The following ACVR1 variants were observed in gnomAD, a reference collection of about 807,000 sequenced individuals.
The protein encoded by ACVR1 is activin receptor type-1.
Under a neutral mutation model 57.1 loss-of-function variants are expected in ACVR1, and 38 were observed. That is an observed-to-expected ratio of 0.67 (90% CI 0.51 to 0.87). The LOEUF (loss-of-function observed/expected upper bound fraction) is 0.87. Among genes scored for constraint, ACVR1 ranks in the 40% least tolerant of loss-of-function variants. ACVR1 has a pLI of 0.00. For missense variants in ACVR1, 463 were observed against 638.2 expected (o/e 0.73, Z 2.96); for synonymous variants, 212 against 228.1 (o/e 0.93, Z 0.63).
intron 2 of ACVR1, among the ~76,000 whole-genome samples, chr2:157,816,234 G>A (rs923207170): frequency 1.4e-4 from 21 of 152,170 alleles, no homozygotes; most frequent in Non-Finnish European, 2.8e-4. Context: ...AAAGGTGAAA[G>A]AGAGAAGGGA....
At chr2:157,839,316 G>T (rs1055332338) in intron 1 of ACVR1, among the ~76,000 whole-genome samples, 1 of 152,150 alleles carries the variant, frequency 6.6e-6, no homozygotes, top group African/African-American at 2.4e-5. Context: ...CCAAATTGCT[G>T]CATGCTAAGC....
chr2:157,742,606 T>C (rs1248961364), intron 9 of ACVR1, among the ~76,000 whole-genome samples: 1 of 152,110 alleles, frequency 6.6e-6, no homozygotes, highest in African/African-American at 2.4e-5. Flanking sequence ...TCAACCAATA[T>C]CCCTCCCATT....
intron 2 of ACVR1, among the ~76,000 whole-genome samples, chr2:157,813,563 C>T (rs772500973): frequency 6.6e-6 from 1 of 152,190 alleles, no homozygotes; most frequent in Non-Finnish European, 1.5e-5. Context: ...CCTGGACTTT[C>T]TTCTTTGCCC....
chr2:157,827,286 A>G (rs1280014298), intron 1 of ACVR1, among the ~76,000 whole-genome samples: 1 of 152,220 alleles, frequency 6.6e-6, no homozygotes, highest in Non-Finnish European at 1.5e-5. Flanking sequence ...TTCTAAAGCT[A>G]GTCTAGAAAC....
rs906507999 is a variant in ACVR1 at position 157,818,959 on chromosome 2, T to A, written c.-182-400A>T. ...CGGGCGTAGTGGCGGGCGCCTGTAG[T>A]CCCAGCTACTTGGGAGGCTGAGGCA... On this transcript the variant is annotated intron_variant, in intron 1 of 10. Coordinates refer to ENST00000434821, the MANE Select transcript of ACVR1 (RefSeq NM_001111067.4). Among the ~76,000 whole-genome samples the A allele has an allele frequency of 3.0e-4, 44 of 148,852 alleles. 2 individuals carry two copies. The highest frequency in any genetic ancestry group is 1.7e-3 in the Admixed American group (26 of 14,890).
At chr2:157,783,305 T>C (rs1269117580) in intron 3 of ACVR1, among the ~76,000 whole-genome samples, 2 of 152,334 alleles carry the variant, frequency 1.3e-5, no homozygotes, top group East Asian at 1.9e-4. Context: ...TTTTCCAAGG[T>C]CTCTAGTTTT....
chr2:157,784,625 G>C (rs1051511134), intron 3 of ACVR1, among the ~76,000 whole-genome samples: 1 of 152,236 alleles, frequency 6.6e-6, no homozygotes, highest in East Asian at 1.9e-4. Flanking sequence ...GAAAACACTC[G>C]CAGCCTGGGC....
intron 1 of ACVR1, among the ~76,000 whole-genome samples, chr2:157,861,893 G>A (rs1031097901): frequency 6.6e-6 from 1 of 152,124 alleles, no homozygotes; most frequent in African/African-American, 2.4e-5. Flanking sequence ...GCAACTCTTA[G>A]ATCATAATTT....
At chr2:157,758,099 T>A (rs1685505024) in intron 9 of ACVR1, among the ~76,000 whole-genome samples, 1 of 151,934 alleles carries the variant, frequency 6.6e-6, no homozygotes, top group Non-Finnish European at 1.5e-5. Flanking sequence ...ACCTCACTTG[T>A]AAAGGCACAT....
chr2:157,842,781 G>A (rs746322561), intron 1 of ACVR1, among the ~76,000 whole-genome samples: 3 of 152,246 alleles, frequency 2.0e-5, no homozygotes, highest in African/African-American at 4.8e-5. Context: ...GCTACACAGA[G>A]GAATTTAAGG....
rs560166210 is a variant in ACVR1, at chr2:157,859,603, G to A, written c.-183+16193C>T. Among the ~76,000 whole-genome samples, 9 of 152,178 alleles carry A rather than the reference G, an allele frequency of 5.9e-5. No homozygotes were observed. The East Asian group carries it at 1.7e-3, about 29-fold the overall frequency. On this transcript the variant is annotated intron_variant, in intron 1 of 10. Transcript: ENST00000434821. The stretch of plus-strand genomic sequence containing the variant: ...ATCATCATCTACCCCCAGATTGCCT[G>A]CAGTTATCAGATTCTCCTTTTCCTA...
At chr2:157,836,463 T>C (rs2105350037) in intron 1 of ACVR1, among the ~76,000 whole-genome samples, 1 of 152,146 alleles carries the variant, frequency 6.6e-6, no homozygotes, top group East Asian at 1.9e-4. Flanking sequence ...TTATTGCTCC[T>C]CCCTACACAT....
At chr2:157,750,847 A>G (rs894763944) in intron 9 of ACVR1, among the ~76,000 whole-genome samples, 1 of 152,150 alleles carries the variant, frequency 6.6e-6, no homozygotes, top group African/African-American at 2.4e-5. Flanking sequence ...ACACAAATAA[A>G]TTGGAAAAAC....
At chr2:157,817,950 C>A (rs943828011) in intron 2 of ACVR1, among the ~76,000 whole-genome samples, 1 of 148,650 alleles carries the variant, frequency 6.7e-6, no homozygotes, top group African/African-American at 2.5e-5. Flanking sequence ...TGCAGTGAAC[C>A]GAGATCACAC....
At chr2:157,841,364 G>C (rs954785951) in intron 1 of ACVR1, among the ~76,000 whole-genome samples, 4 of 152,118 alleles carry the variant, frequency 2.6e-5, no homozygotes, top group Admixed American at 1.3e-4. Context: ...AAGTTATAAG[G>C]GGATAGGATG....
chr2:157,855,344 AC>A (rs1489920446), intron 1 of ACVR1, among the ~76,000 whole-genome samples: 52 of 143,884 alleles, frequency 3.6e-4, no homozygotes, highest in Non-Finnish European at 6.1e-4. Context: ...ACACACACAC[AC>A]AAAAATTAGC....
intron 1 of ACVR1, among the ~76,000 whole-genome samples, chr2:157,866,444 C>CGG (rs568810076): frequency 0.034 from 5,110 of 151,698 alleles, 115 homozygotes; most frequent in East Asian, 0.082. Flanking sequence ...CCAAGGGAGG[C>CGG]GGGGGGGAAA....
In ACVR1 at chr2:157,770,534, G is replaced by A. The variant is rs1316876346; in HGVS notation, c.644-20C>T. The A allele has an allele frequency of 1.2e-6, 2 of 1,613,840 alleles. No homozygotes were observed. The highest frequency in any genetic ancestry group is 1.7e-6 in the Non-Finnish European group (2 of 1,179,852). ...CTTTCCCTATGAAAAGCAAAACATA[G>A]GTGACACAGAACAGTAGTCATTTTG... On this transcript the variant is annotated intron_variant, in intron 6 of 10. Coordinates refer to ENST00000434821, the MANE Select transcript of ACVR1 (RefSeq NM_001111067.4).
intron 1 of ACVR1, among the ~76,000 whole-genome samples, chr2:157,861,825 T>C (rs889629031): frequency 6.6e-6 from 1 of 152,224 alleles, no homozygotes; most frequent in Admixed American, 6.5e-5. Flanking sequence ...AGATCTAATA[T>C]ACTTTCACCA....
Sources: allele counts gnomAD v4.1 joint callset (sites outside exome capture counted in the v4.1 genomes callset), GRCh38; gene constraint gnomAD v4.1.1; transcripts MANE v1.5; gene names NCBI Gene and HGNC (gene_info 2026-07-23, HGNC 2026-07-21).